ITGA11: variants seen among roughly 807,000 people sequenced by gnomAD.
ITGA11 encodes the protein integrin subunit alpha 11.
ITGA11 carries 97 observed loss-of-function variants against 141.9 expected under a neutral mutation model. The observed-to-expected ratio is 0.68, with a 90% CI of 0.58 to 0.81. ITGA11 has a LOEUF of 0.81. Ranked by LOEUF, ITGA11 falls within the 30% of genes least tolerant of loss-of-function variation. The probability of loss-of-function intolerance (pLI) is 0.00; values close to 1 mark genes in which losing one functional copy is unlikely to be tolerated. For synonymous variants in ITGA11, 658 were observed against 624.6 expected (o/e 1.05, Z -0.80); for missense variants, 1,387 against 1,559.2 (o/e 0.89, Z 1.86).
intron 1 of ITGA11, among the ~76,000 whole-genome samples, chr15:68,430,821 C>A (rs1897250561): frequency 6.6e-6 from 1 of 152,226 alleles, no homozygotes; most frequent in African/African-American, 2.4e-5. Flanking sequence ...GCCCTTTCAA[C>A]CATGGGCCCT....
chr15:68,419,106 G>T (rs8023993), intron 1 of ITGA11, among the ~76,000 whole-genome samples: 112,638 of 151,928 alleles, frequency 0.74, 41,961 homozygotes, highest in African/African-American at 0.76. Context: ...ATCTGAAAAG[G>T]TCTCTGGCTG....
chr15:68,426,117 A>G (rs1222772759), intron 1 of ITGA11, among the ~76,000 whole-genome samples: 1 of 152,208 alleles, frequency 6.6e-6, no homozygotes, highest in East Asian at 1.9e-4. Flanking sequence ...TAGGTCTTCC[A>G]GCCTCACCTA....
intron 3 of ITGA11, among the ~76,000 whole-genome samples, chr15:68,368,491 G>A (rs549230477): frequency 2.0e-5 from 3 of 152,362 alleles, no homozygotes; most frequent in African/African-American, 7.2e-5. Flanking sequence ...CACACGAGTA[G>A]ATTTTAGGAG....
At position 68,405,721 on chromosome 15, in the gene ITGA11, C is replaced by T. The variant is rs536213143; in HGVS notation, c.53-2692G>A. On this transcript the variant is annotated intron_variant, in intron 1 of 29. Coordinates refer to ENST00000315757, the MANE Select transcript of ITGA11 (RefSeq NM_001004439.2). ...GACAGCAGTGTCACATGTGCAATGT[C>T]ACAGAGGAGAGAGAGAGAGACACCA... Among the ~76,000 whole-genome samples, 6 of 144,934 alleles carry T rather than the reference C, an allele frequency of 4.1e-5. No individual in the cohort carries two copies. In the South Asian group the frequency reaches 1.4e-3, roughly 33 times the overall value.
chr15:68,426,251 T>C (rs1322845564), intron 1 of ITGA11, among the ~76,000 whole-genome samples: 4 of 152,306 alleles, frequency 2.6e-5, no homozygotes, highest in African/African-American at 9.6e-5. Context: ...TGTCATCACT[T>C]ATTAGTGCGG....
intron 2 of ITGA11, among the ~76,000 whole-genome samples, chr15:68,389,677 C>T (rs1207647959): frequency 6.6e-6 from 1 of 152,226 alleles, no homozygotes; most frequent in African/African-American, 2.4e-5. Flanking sequence ...TCTTAAAGCT[C>T]ACCATGTCCC....
rs1483760658 is a variant in ITGA11, at chr15:68,326,598, G to A, written c.2211+56C>T. 7.3e-6 allele frequency: 11 copies of A among 1,512,846 alleles called. No individual in the cohort carries two copies. The South Asian group carries it at 1.2e-4, about 16-fold the overall frequency. The allele number at this position is 1,512,846 out of a possible 1,614,324, so 93.7% of individuals were successfully genotyped here. A position where few individuals can be genotyped will look rare whatever the true frequency, so the allele number is the denominator to read the frequency against. On this transcript the variant is annotated intron_variant, in intron 17 of 29. Coordinates refer to ENST00000315757, the MANE Select transcript of ITGA11 (RefSeq NM_001004439.2). The surrounding 1 kb of genome is among the most constrained non-coding windows in gnomAD (Gnocchi z 6.8). Reference sequence around the variant, plus strand: ...CAGGCAGACTCTCTGCCTCTCCCACGGCAGATGCTCCTTCCTATAGGAGCT... The same window carrying A: ...CAGGCAGACTCTCTGCCTCTCCCACAGCAGATGCTCCTTCCTATAGGAGCT...
rs963742275 is a variant in ITGA11 at position 68,339,093 on chromosome 15, T to G, written c.1276+407A>C. ...CGACTTCTGCCTTGATTATGAACATTAAGAAATAAAAATGAATGCAGGTTC... is the reference window on the plus strand; with the variant it reads ...CGACTTCTGCCTTGATTATGAACATGAAGAAATAAAAATGAATGCAGGTTC... On this transcript the variant is annotated intron_variant, in intron 11 of 29. Coordinates refer to ENST00000315757, the MANE Select transcript of ITGA11 (RefSeq NM_001004439.2). 2.6e-5 allele frequency among the ~76,000 whole-genome samples: 4 copies of G among 152,154 alleles called. No individual in the cohort carries two copies. In the East Asian group the frequency reaches 7.7e-4, roughly 29 times the overall value.
In ITGA11 at chr15:68,307,462, C is replaced by T. The variant is rs1893237028; in HGVS notation, c.3286-19G>A. 1.6e-5 allele frequency: 25 copies of T among 1,550,402 alleles called. No individual in the cohort carries two copies. The highest frequency in any genetic ancestry group is 2.4e-5 in the South Asian group (2 of 84,286). ...ACTTGAGCTGTGCAATCAGAGGGCT[C>T]GTCAGAAGCTGGCTTGGAAGCTTTT... On this transcript the variant is annotated intron_variant, in intron 27 of 29. Transcript: ENST00000315757. This position sits in a 1 kb window ranked among gnomAD's most constrained non-coding sequence, Gnocchi z 6.1.
In ITGA11 at chr15:68,351,349, A is replaced by G. The variant is rs539167484; in HGVS notation, c.803T>C (p.Val268Ala). The change falls in exon 8 of 30, where the codon GTC becomes GCC. Residue 268 changes from valine (V) to alanine (A), a missense_variant. Val to Ala is a moderately conservative substitution (Grantham distance 64, BLOSUM62 0). Coordinates refer to ENST00000315757, the MANE Select transcript of ITGA11 (RefSeq NM_001004439.2). ...GRKGAKKVMI[V>A]ITDGESHDSP... ...GTCGTGGGACTCCCCATCTGTGATG[A>G]CAATCATCACCTTCTTGGCTCCTTT... is the stretch of plus-strand genomic sequence containing the variant. 1 of 1,613,966 alleles carries G rather than the reference A, an allele frequency of 6.2e-7. No individual in the cohort carries two copies. The highest frequency in any genetic ancestry group is 2.2e-5 in the East Asian group (1 of 44,860).
chr15:68,325,110 G>C lies in ITGA11; in HGVS notation c.2322+21C>G. On this transcript the variant is annotated intron_variant, in intron 18 of 29. Coordinates refer to ENST00000315757, the MANE Select transcript of ITGA11 (RefSeq NM_001004439.2). The surrounding 1 kb of genome is among the most constrained non-coding windows in gnomAD (Gnocchi z 5.5). ...GGGGTGGGGTTCATGCCCGAGGTGC[G>C]TGCCCTGTACCGAGATGTACCGAGA... 1 of 1,580,676 alleles carries C rather than the reference G, an allele frequency of 6.3e-7. No individual in the cohort carries two copies. The highest frequency in any genetic ancestry group is 8.7e-7 in the Non-Finnish European group (1 of 1,149,528).
In ITGA11 at chr15:68,350,397, C is replaced by T. The variant is rs568168496; in HGVS notation, c.1060+220G>A. 1.2e-3 allele frequency among the ~76,000 whole-genome samples: 190 copies of T among 152,146 alleles called. 1 individual carries two copies. The highest frequency in any genetic ancestry group is 2.4e-3 in the Non-Finnish European group (162 of 68,012). ...AAGAGACGAGGTTTTGCCTTGCTGA[C>T]CAAACTGGTCTTGAACTCCTGAACT... is the stretch of plus-strand genomic sequence containing the variant. On this transcript the variant is annotated intron_variant, in intron 9 of 29. Coordinates refer to ENST00000315757, the MANE Select transcript of ITGA11 (RefSeq NM_001004439.2).
chr15:68,320,678 C>T (rs369331921), intron 19 of ITGA11, among the ~76,000 whole-genome samples: 12 of 152,212 alleles, frequency 7.9e-5, no homozygotes, highest in South Asian at 2.1e-4. Context: ...ATCACCACTC[C>T]GCACATCATG....
intron 2 of ITGA11, among the ~76,000 whole-genome samples, chr15:68,370,817 A>G (rs959019041): frequency 6.6e-6 from 1 of 152,142 alleles, no homozygotes; most frequent in African/African-American, 2.4e-5. Context: ...ACATGGCCCA[A>G]AGAAGAAGCC....
intron 2 of ITGA11, among the ~76,000 whole-genome samples, chr15:68,388,696 T>C (rs962521845): frequency 6.6e-6 from 1 of 152,166 alleles, no homozygotes; most frequent in African/African-American, 2.4e-5. Flanking sequence ...ACCCCTTAGC[T>C]TGAGCATCCT....
chr15:68,328,210 T>C lies in ITGA11; in HGVS notation c.1954A>G (p.Ile652Val). ...TTGCAGTCTCTGTGGAAGATGTTGATCTTGGATGGCTCAAAGTGGAGGCTG... is the reference window on the plus strand; with the variant it reads ...TTGCAGTCTCTGTGGAAGATGTTGACCTTGGATGGCTCAAAGTGGAGGCTG... ...NASLHFEPSK[I>V]NIFHRDCKRS... The change falls in exon 16 of 30, where the codon ATC (isoleucine) becomes GTC (valine). Residue 652 changes from isoleucine to valine, a missense_variant. Ile to Val is a conservative substitution (Grantham distance 29). Coordinates refer to ENST00000315757, the MANE Select transcript of ITGA11 (RefSeq NM_001004439.2). This position sits in a 1 kb window ranked among gnomAD's most constrained non-coding sequence, Gnocchi z 4.8. The C allele has an allele frequency of 3.1e-6, 5 of 1,613,832 alleles. No homozygotes were observed. Among genetic ancestry groups the C allele is most frequent in the Non-Finnish European group, 4.2e-6 (5 of 1,179,846 alleles).
chr15:68,375,503 G>A (rs9783729), intron 2 of ITGA11, among the ~76,000 whole-genome samples: 1 of 152,184 alleles, frequency 6.6e-6, no homozygotes, highest in East Asian at 1.9e-4. Context: ...GGCTGCCCTG[G>A]CTGGGGGTTG....
In ITGA11 at chr15:68,357,280, C is replaced by T. The variant is rs754229246; in HGVS notation, c.620G>A (p.Gly207Asp). Residue 207 changes from glycine to aspartate, a missense_variant, in exon 7 of 30, where the codon GGC becomes GAC. Transcript: ENST00000315757. The stretch of plus-strand genomic sequence containing the variant: ...GTGAAACTCATGCACCACATCTTCG[C>T]CATACTGCACAACTCCAACCTGCAA... ...GQIQVGVVQYGEDVVHEFHLN... is the reference protein window; with the variant it reads ...GQIQVGVVQYDEDVVHEFHLN... 6.2e-7 allele frequency: 1 copy of T among 1,613,522 alleles called. No homozygotes were observed. Among genetic ancestry groups the T allele is most frequent in the Non-Finnish European group, 8.5e-7 (1 of 1,179,748 alleles).
At position 68,307,856 on chromosome 15, in the gene ITGA11, A is replaced by G. The variant is rs374073427; in HGVS notation, c.3175-160T>C. Among the ~76,000 whole-genome samples the G allele has an allele frequency of 2.0e-3, 300 of 152,302 alleles. No homozygotes were observed. Among genetic ancestry groups the G allele is most frequent in the African/African-American group, 7.1e-3 (293 of 41,558 alleles). ...GGGGGACATGTGCATTGCGTCTGCC[A>G]GGGGATGACTGAAGGACAAATGAAG... On this transcript the variant is annotated intron_variant, in intron 26 of 29. Coordinates refer to ENST00000315757, the MANE Select transcript of ITGA11 (RefSeq NM_001004439.2). This position sits in a 1 kb window ranked among gnomAD's most constrained non-coding sequence, Gnocchi z 6.1.
Sources: gnomAD v4.1 joint callset for allele counts (sites outside exome capture counted in the v4.1 genomes callset) on GRCh38, gnomAD v4.1.1 for gene constraint, Gnocchi (gnomAD v3.1) non-coding constraint, MANE v1.5 for transcripts, NCBI Gene and HGNC (gene_info 2026-07-23, HGNC 2026-07-21) for gene names.